Variants in CA10 observed in about 807,000 individuals in gnomAD.
CA10 encodes the protein carbonic anhydrase 10 (inactive), also known as carbonic anhydrase-related protein 10.
A neutral mutation model predicts 44.2 loss-of-function variants in CA10; 14 were observed. That is an observed-to-expected ratio of 0.32 (90% CI 0.21 to 0.50). The LOEUF (loss-of-function observed/expected upper bound fraction) is 0.50, where lower values mean the gene tolerates loss of function less well. Ranked by LOEUF, CA10 falls within the 20% of genes least tolerant of loss-of-function variation. The pLI is 0.99. For synonymous variants in CA10, 159 were observed against 141.6 expected, an observed-to-expected ratio of 1.12 and a Z score of -0.87; for missense variants, 350 against 409.7, an observed-to-expected ratio of 0.85 and a Z score of 1.26.
chr17:51,849,231 GTGTATATATATATATATATATA>G (rs1978668262), intron 3 of CA10, among the ~76,000 whole-genome samples: 23 of 55,882 alleles, frequency 4.1e-4, no homozygotes, highest in Non-Finnish European at 1.0e-3. Context: ...ATATATGTGT[GTGTATATATATATATATATATA>G]TATATATATA....
rs1056358890 is a variant in CA10, at chr17:52,137,600, T to C, written c.61+20126A>G. On this transcript the variant is annotated intron_variant, in intron 1 of 8. Coordinates refer to ENST00000451037, the MANE Select transcript of CA10 (RefSeq NM_020178.5). ...GTCAGCTTTGAGTCTTACTCTCTTA[T>C]TCTCCTTTGAAGCTATAATATCTTT... Among the ~76,000 whole-genome samples the C allele has an allele frequency of 2.0e-5, 3 of 152,192 alleles. No homozygotes were observed. The East Asian group carries it at 5.8e-4, about 29-fold the overall frequency.
chr17:51,672,297 C>A (rs1363551727), intron 4 of CA10, among the ~76,000 whole-genome samples: 2 of 152,210 alleles, frequency 1.3e-5, no homozygotes, highest in East Asian at 3.9e-4. Context: ...CATGCTAGCG[C>A]TATAAAGTTC....
intron 1 of CA10, among the ~76,000 whole-genome samples, chr17:52,131,544 GTTTA>G (rs1376487211): frequency 9.2e-5 from 14 of 152,122 alleles, no homozygotes; most frequent in Non-Finnish European, 2.1e-4. Context: ...ATTGCAAGTG[GTTTA>G]TTTGTTTTAT....
At chr17:51,641,075 T>G (rs1307818797) in intron 6 of CA10, among the ~76,000 whole-genome samples, 1 of 151,958 alleles carries the variant, frequency 6.6e-6, no homozygotes, top group East Asian at 1.9e-4. Flanking sequence ...AGGACAGATG[T>G]TCAAATAAAG....
intron 4 of CA10, among the ~76,000 whole-genome samples, chr17:51,681,840 C>A (rs989192475): frequency 6.6e-6 from 1 of 152,140 alleles, no homozygotes; most frequent in Non-Finnish European, 1.5e-5. Flanking sequence ...CACCCTTCTG[C>A]GTCTCCAGTG....
At chr17:51,947,088 GAC>G (rs921567706) in intron 2 of CA10, among the ~76,000 whole-genome samples, 2 of 152,000 alleles carry the variant, frequency 1.3e-5, no homozygotes, top group Non-Finnish European at 2.9e-5. Flanking sequence ...TCTCAGAAAT[GAC>G]AGACCTTTTT....
At chr17:51,896,764 A>G (rs1443612630) in intron 3 of CA10, among the ~76,000 whole-genome samples, 2 of 151,846 alleles carry the variant, frequency 1.3e-5, no homozygotes, top group African/African-American at 2.4e-5. Flanking sequence ...TTGACTTTTT[A>G]ATAATAGCCA....
intron 4 of CA10, among the ~76,000 whole-genome samples, chr17:51,729,706 T>C (rs1916650600): frequency 1.3e-5 from 2 of 152,232 alleles, no homozygotes; most frequent in Admixed American, 1.3e-4. Context: ...ATATGCATCA[T>C]GCCTCCTACC....
intron 3 of CA10, among the ~76,000 whole-genome samples, chr17:51,752,088 C>T (rs1244473997): frequency 6.6e-6 from 1 of 151,942 alleles, no homozygotes; most frequent in Non-Finnish European, 1.5e-5. Flanking sequence ...TGCAACACCC[C>T]CTTTTCCCCA....
At chr17:51,645,141 C>T (rs1454966088) in intron 6 of CA10, among the ~76,000 whole-genome samples, 1 of 152,106 alleles carries the variant, frequency 6.6e-6, no homozygotes, top group African/African-American at 2.4e-5. Context: ...CTCACCATCT[C>T]CCTGCCAATC....
At chr17:52,001,610 A>G (rs779098526) in intron 2 of CA10, among the ~76,000 whole-genome samples, 12 of 151,886 alleles carry the variant, frequency 7.9e-5, no homozygotes, top group Non-Finnish European at 1.6e-4. Context: ...CATGCCACGT[A>G]ATCTCTTACC....
chr17:51,799,867 T>G (rs886897559), intron 3 of CA10, among the ~76,000 whole-genome samples: 1 of 152,194 alleles, frequency 6.6e-6, no homozygotes, highest in Admixed American at 6.5e-5. Context: ...TGATGACAAG[T>G]GTTGATGAGG....
intron 1 of CA10, among the ~76,000 whole-genome samples, chr17:52,075,239 C>G (rs1987787520): frequency 6.6e-6 from 1 of 152,066 alleles, no homozygotes; most frequent in Admixed American, 6.6e-5. Flanking sequence ...TATGTAAATA[C>G]CTGGGCATGG....
intron 1 of CA10, among the ~76,000 whole-genome samples, chr17:52,091,711 G>C (rs1457429839): frequency 6.6e-6 from 1 of 152,172 alleles, no homozygotes; most frequent in Non-Finnish European, 1.5e-5. Context: ...AGTTGTACAA[G>C]ACAATGAACA....
chr17:51,917,342 T>C (rs981036988), intron 3 of CA10, among the ~76,000 whole-genome samples: 2 of 152,208 alleles, frequency 1.3e-5, no homozygotes, highest in African/African-American at 4.8e-5. Context: ...GAGATGTGCC[T>C]TTCAGAAGGT....
chr17:51,917,543 G>C (rs1054030628), intron 3 of CA10, among the ~76,000 whole-genome samples: 18 of 152,222 alleles, frequency 1.2e-4, no homozygotes, highest in African/African-American at 4.3e-4. Flanking sequence ...TATAAGCATG[G>C]CACTGGCATC....
chr17:51,996,570 A>T (rs895700792), intron 2 of CA10, among the ~76,000 whole-genome samples: 1 of 151,874 alleles, frequency 6.6e-6, no homozygotes, highest in Non-Finnish European at 1.5e-5. Flanking sequence ...CTAATTTCCT[A>T]TCTCATATTT....
chr17:51,738,537 T>A (rs1356859572), intron 4 of CA10, among the ~76,000 whole-genome samples: 1 of 152,230 alleles, frequency 6.6e-6, no homozygotes, highest in Non-Finnish European at 1.5e-5. Context: ...AGTCTTCCAA[T>A]CTTTAATTCT....
chr17:51,671,970 C>A (rs944592803), intron 4 of CA10, among the ~76,000 whole-genome samples: 2 of 152,168 alleles, frequency 1.3e-5, no homozygotes, highest in African/African-American at 4.8e-5. Flanking sequence ...AGAAGAGTTA[C>A]AAATCTAACC....
Sources: gnomAD v4.1 joint callset for allele counts (sites outside exome capture counted in the v4.1 genomes callset) on GRCh38, gnomAD v4.1.1 for gene constraint, MANE v1.5 for transcripts, NCBI Gene and HGNC (gene_info 2026-07-23, HGNC 2026-07-21) for gene names.